PCNX1: variants seen among roughly 807,000 people sequenced by gnomAD.
PCNX1 encodes the protein pecanex 1.
Under a neutral mutation model 242.2 loss-of-function variants are expected in PCNX1, and 78 were observed. The ratio of observed to expected loss-of-function variants is 0.32; its 90% CI spans 0.27 to 0.39. The LOEUF is 0.39. Among genes scored for constraint, PCNX1 ranks in the 10% least tolerant of loss-of-function variants. PCNX1 has a pLI of 1.00. For missense variants in PCNX1, 2,581 were observed against 2,856.5 expected (o/e 0.90, Z 2.20); for synonymous variants, 1,024 against 1,032.9 (o/e 0.99, Z 0.17).
At chr14:70,926,974 C>G (rs2056617683) in intron 1 of PCNX1, among the ~76,000 whole-genome samples, 1 of 152,164 alleles carries the variant, frequency 6.6e-6, no homozygotes, top group Admixed American at 6.5e-5. Context: ...GCTGTGGAGT[C>G]AGACTGGGTA....
intron 11 of PCNX1, 117 bp from the exon 12 acceptor site, chr14:71,018,892 C>T: frequency 4.9e-6 from 4 of 824,620 alleles, no homozygotes; most frequent in Non-Finnish European, 7.5e-6. Context: ...AACTCAGTAC[C>T]AAAAAGACAT....
intron 6 of PCNX1, among the ~76,000 whole-genome samples, chr14:70,985,143 C>T (rs928064425): frequency 3.3e-5 from 5 of 152,132 alleles, no homozygotes; most frequent in Admixed American, 6.5e-5. Flanking sequence ...TGAGTGATTG[C>T]ATCAGTATAA....
intron 29 of PCNX1, 138 bp from the exon 30 acceptor site, chr14:71,089,054 C>T (rs1798818130): frequency 4.9e-6 from 3 of 613,442 alleles, no homozygotes; most frequent in Non-Finnish European, 8.3e-6. Flanking sequence ...GATTCTGGTT[C>T]AGGGTTCTGA....
At chr14:70,988,431 G>A in intron 6 of PCNX1, 136 bp from the exon 7 acceptor site, 1 of 706,758 alleles carries the variant, frequency 1.4e-6, no homozygotes, top group Non-Finnish European at 2.4e-6. Flanking sequence ...TAGATTGACA[G>A]TATACATGTG....
At chr14:70,988,541 T>G in intron 6 of PCNX1, 26 bp from the exon 7 acceptor site, 3 of 1,608,436 alleles carry the variant, frequency 1.9e-6, no homozygotes, top group Non-Finnish European at 2.6e-6. Context: ...TAGGCTCTTG[T>G]TTGACCTAAG....
At chr14:70,926,677 C>T (rs2140130551) in intron 1 of PCNX1, among the ~76,000 whole-genome samples, 1 of 152,164 alleles carries the variant, frequency 6.6e-6, no homozygotes, top group Middle Eastern at 3.4e-3. Flanking sequence ...AGGAACATTG[C>T]CCCAGAGTTT....
At chr14:71,017,435 C>T (rs1355521231) in intron 11 of PCNX1, among the ~76,000 whole-genome samples, 2 of 152,096 alleles carry the variant, frequency 1.3e-5, no homozygotes, top group Non-Finnish European at 2.9e-5. Context: ...GCCTGGGCAA[C>T]ATAGCAAGAC....
At chr14:71,077,446 GACCATCTTCACGTTTAGC>G (rs1283544217) in intron 28 of PCNX1, among the ~76,000 whole-genome samples, 1 of 152,146 alleles carries the variant, frequency 6.6e-6, no homozygotes, top group Non-Finnish European at 1.5e-5. Flanking sequence ...GGTGCATACC[GACCATCTTCACGTTTAGC>G]ACTTGGTTTA....
intron 1 of PCNX1, among the ~76,000 whole-genome samples, chr14:70,928,907 T>C (rs2056686995): frequency 6.6e-6 from 1 of 152,214 alleles, no homozygotes; most frequent in Non-Finnish European, 1.5e-5. Context: ...TTTGGCTTGC[T>C]GCTACTTGAT....
intron 24 of PCNX1, among the ~76,000 whole-genome samples, chr14:71,052,691 A>G (rs769699816): frequency 7.2e-5 from 11 of 152,180 alleles, no homozygotes; most frequent in Non-Finnish European, 1.3e-4. Context: ...ATACCTGGCT[A>G]TTTCTAAAGC....
intron 32 of PCNX1, among the ~76,000 whole-genome samples, chr14:71,104,858 G>A (rs1241354466): frequency 1.3e-5 from 2 of 152,190 alleles, no homozygotes; most frequent in South Asian, 4.1e-4. Flanking sequence ...ACTTGGAGGT[G>A]GAGGTTGCAG....
intron 19 of PCNX1, among the ~76,000 whole-genome samples, chr14:71,040,382 A>T (rs1176254056): frequency 1.3e-5 from 2 of 152,106 alleles, no homozygotes; most frequent in African/African-American, 4.8e-5. Flanking sequence ...CTTGAAGATT[A>T]TCTTTTTATC....
chr14:71,026,042 G>A, intron 13 of PCNX1, 75 bp from the exon 14 acceptor site: 1 of 870,146 alleles, frequency 1.1e-6, no homozygotes, highest in Admixed American at 2.7e-5. Flanking sequence ...TTAGAATAAA[G>A]CCATCAGTGA....
intron 19 of PCNX1, among the ~76,000 whole-genome samples, chr14:71,037,067 A>G (rs1464278335): frequency 1.3e-5 from 2 of 151,886 alleles, no homozygotes; most frequent in Non-Finnish European, 2.9e-5. Context: ...ATGGGAGTTC[A>G]CTCATGATTT....
chr14:71,097,709 A>C (rs1375927770), intron 30 of PCNX1, among the ~76,000 whole-genome samples: 1 of 152,162 alleles, frequency 6.6e-6, no homozygotes, highest in Non-Finnish European at 1.5e-5. Context: ...GTTTGTGAAT[A>C]GTTTCTCCCA....
At chr14:71,032,767 C>G (rs2060424830) in intron 16 of PCNX1, among the ~76,000 whole-genome samples, 1 of 152,222 alleles carries the variant, frequency 6.6e-6, no homozygotes, top group African/African-American at 2.4e-5. Flanking sequence ...TGCCCATTCT[C>G]TGCCAGGTAT....
intron 13 of PCNX1, among the ~76,000 whole-genome samples, chr14:71,024,200 AGT>A (rs1345703431): frequency 7.9e-5 from 12 of 152,230 alleles, no homozygotes; most frequent in African/African-American, 2.4e-4. Flanking sequence ...TAAATATCTC[AGT>A]GTGTTTCTTA....
chr14:71,068,691 GAACATATACATGCATATA>G lies in PCNX1; in HGVS notation c.4853-4853_4853-4836del, dbSNP rs1566770816. ...GCAAAATTACAGTTATTTTTTATGT[GAACATATACATGCATATA>G]TGTATGTATATATAATATACAAATA... On this transcript the variant is annotated intron_variant, in intron 26 of 35. Transcript: ENST00000304743. 3.8e-4 allele frequency among the ~76,000 whole-genome samples: 47 copies of G among 122,670 alleles called. 1 individual carries two copies. The highest frequency in any genetic ancestry group is 1.5e-3 in the African/African-American group (41 of 27,942). 80.5% of individuals were successfully genotyped at this position (122,670 alleles called of 152,430 possible). A position where few individuals can be genotyped will look rare whatever the true frequency, so the allele number is the denominator to read the frequency against.
intron 1 of PCNX1, among the ~76,000 whole-genome samples, chr14:70,915,279 G>A (rs72724311): frequency 0.033 from 5,066 of 152,054 alleles, 129 homozygotes; most frequent in Non-Finnish European, 0.052. Context: ...AAAACTTTAC[G>A]GAATCTCAAA....
Sources: gnomAD v4.1 joint callset for allele counts (sites outside exome capture counted in the v4.1 genomes callset) on GRCh38, gnomAD v4.1.1 for gene constraint, MANE v1.5 for transcripts, NCBI Gene and HGNC (gene_info 2026-07-23, HGNC 2026-07-21) for gene names.